The following GPATCH2 variants were observed in gnomAD, a reference collection of about 807,000 sequenced individuals.
GPATCH2 encodes G patch domain-containing protein 2.
Under a neutral mutation model 58.0 loss-of-function variants are expected in GPATCH2, and 51 were observed. The ratio of observed to expected loss-of-function variants is 0.88; its 90% CI spans 0.70 to 1.11. The LOEUF (loss-of-function observed/expected upper bound fraction) is 1.11. Among genes scored for constraint, GPATCH2 ranks in the 50% most tolerant of loss-of-function variants. The pLI is 0.00. For synonymous variants in GPATCH2, 222 were observed against 218.5 expected (o/e 1.02, Z -0.14); for missense variants, 625 against 652.2 (o/e 0.96, Z 0.45).
At chr1:217,463,575 TG>T (rs2102490993) in intron 8 of GPATCH2, among the ~76,000 whole-genome samples, 1 of 135,724 alleles carries the variant, frequency 7.4e-6, no homozygotes, top group African/African-American at 2.9e-5. Context: ...GAGGCTGAGA[TG>T]GGAGGACTGC....
At chr1:217,438,145 C>CTGTT (rs1416744608) in intron 9 of GPATCH2, among the ~76,000 whole-genome samples, 5 of 152,156 alleles carry the variant, frequency 3.3e-5, no homozygotes, top group Admixed American at 2.6e-4. Flanking sequence ...GCAGAGGGAC[C>CTGTT]TGTTAGAAGA....
intron 8 of GPATCH2, among the ~76,000 whole-genome samples, chr1:217,463,326 T>A (rs754474279): frequency 6.6e-6 from 1 of 152,138 alleles, no homozygotes; most frequent in African/African-American, 2.4e-5. Context: ...TTCATGCGTC[T>A]TAAAATCTAC....
intron 5 of GPATCH2, among the ~76,000 whole-genome samples, chr1:217,584,344 A>AAAAAAAAAAAAAAAAAAAATATAT (rs1463910405): frequency 9.8e-6 from 1 of 101,874 alleles, no homozygotes; most frequent in Non-Finnish European, 1.9e-5. Context: ...AAAAAAAAAA[A>AAAAAAAAAAAAAAAAAAAATATAT]ATATATATAT....
In GPATCH2 at chr1:217,533,748, A is replaced by G. The variant is rs1032295098; in HGVS notation, c.1099-18859T>C. ...AGTCATGCCAGATACTTTGTTCTGA[A>G]TCATGTATAACAGAATCCTGGGTGC... is the stretch of plus-strand genomic sequence containing the variant. On this transcript the variant is annotated intron_variant, in intron 5 of 9. Transcript: ENST00000366935. Among the ~76,000 whole-genome samples, 4 of 152,216 alleles carry G rather than the reference A, an allele frequency of 2.6e-5. No individual in the cohort carries two copies. In the South Asian group the frequency reaches 8.3e-4, roughly 31 times the overall value.
At chr1:217,612,248 C>T (rs909021097) in intron 3 of GPATCH2, among the ~76,000 whole-genome samples, 3 of 151,950 alleles carry the variant, frequency 2.0e-5, no homozygotes, top group African/African-American at 4.8e-5. Context: ...AGATGATCTG[C>T]GATTCATTAA....
At chr1:217,440,037 C>G (rs1659061641) in intron 9 of GPATCH2, among the ~76,000 whole-genome samples, 1 of 152,180 alleles carries the variant, frequency 6.6e-6, no homozygotes, top group Non-Finnish European at 1.5e-5. Context: ...CATCCTGATA[C>G]CAAAACTTGG....
At chr1:217,625,573 A>G (rs1268829233) in intron 1 of GPATCH2, among the ~76,000 whole-genome samples, 1 of 152,220 alleles carries the variant, frequency 6.6e-6, no homozygotes, top group Non-Finnish European at 1.5e-5. Context: ...ATAGTGAAAA[A>G]TAAAGTATAT....
rs550338481 is a variant in GPATCH2 at position 217,610,579 on chromosome 1, T to A, written c.1019-179A>T. ...AAAACTGAAGCAATGCCTAGCAAAG[T>A]ACTAAGGCAGTCAGCACTTAACTAA... On this transcript the variant is annotated intron_variant, in intron 4 of 9. Coordinates refer to ENST00000366935, the MANE Select transcript of GPATCH2 (RefSeq NM_018040.5). 5.3e-5 allele frequency among the ~76,000 whole-genome samples: 8 copies of A among 152,286 alleles called. No individual in the cohort carries two copies. The Middle Eastern group carries it at 0.01, about 194-fold the overall frequency.
At chr1:217,498,546 C>T (rs1207104966) in intron 6 of GPATCH2, 151 bp from the exon 7 acceptor site, 2 of 677,428 alleles carry the variant, frequency 3.0e-6, no homozygotes, top group Non-Finnish European at 5.3e-6. Flanking sequence ...TAATTCTAGA[C>T]TTAGACCAAT....
At chr1:217,491,609 A>T in intron 8 of GPATCH2, 71 bp downstream of exon 8, 1 of 660,208 alleles carries the variant, frequency 1.5e-6, no homozygotes, top group Non-Finnish European at 2.7e-6. Context: ...ACCTAACAAC[A>T]ATTCATTACA....
intron 6 of GPATCH2, among the ~76,000 whole-genome samples, chr1:217,509,523 T>C (rs1662735344): frequency 6.6e-6 from 1 of 152,366 alleles, no homozygotes; most frequent in East Asian, 1.9e-4. Flanking sequence ...AGCTAGTCTC[T>C]GAACTGAGCC....
chr1:217,493,336 C>T (rs761107994), intron 7 of GPATCH2, among the ~76,000 whole-genome samples: 1 of 152,152 alleles, frequency 6.6e-6, no homozygotes, highest in African/African-American at 2.4e-5. Context: ...TATGCTTCCT[C>T]CTACCCCAAC....
chr1:217,521,529 T>G (rs75926358), intron 5 of GPATCH2, among the ~76,000 whole-genome samples: 3,996 of 152,182 alleles, frequency 0.026, 78 homozygotes, highest in East Asian at 0.076. Flanking sequence ...TTTAAGTATA[T>G]GCAATGCAGG....
chr1:217,488,078 A>T (rs1661539347), intron 8 of GPATCH2, among the ~76,000 whole-genome samples: 1 of 152,094 alleles, frequency 6.6e-6, no homozygotes, highest in South Asian at 2.1e-4. Flanking sequence ...TTTGGTACTG[A>T]TTTCTAACTG....
At chr1:217,442,360 A>G (rs1659181284) in intron 9 of GPATCH2, among the ~76,000 whole-genome samples, 1 of 152,134 alleles carries the variant, frequency 6.6e-6, no homozygotes, top group Non-Finnish European at 1.5e-5. Flanking sequence ...GGGCTAGGGA[A>G]GGGATAGCAT....
intron 5 of GPATCH2, among the ~76,000 whole-genome samples, chr1:217,534,935 T>C (rs1049807991): frequency 1.3e-5 from 2 of 152,246 alleles, no homozygotes; most frequent in Non-Finnish European, 2.9e-5. Flanking sequence ...TTCTAGCTAT[T>C]CAGTTATTTA....
intron 6 of GPATCH2, among the ~76,000 whole-genome samples, chr1:217,504,688 A>G (rs752092442): frequency 4.6e-5 from 7 of 152,196 alleles, no homozygotes; most frequent in Non-Finnish European, 8.8e-5. Context: ...TCAGAATTTG[A>G]ATTCAGTCTG....
At position 217,630,923 on chromosome 1, in the gene GPATCH2, TC is replaced by T; in HGVS notation, c.48del (p.Asn17ThrfsTer45). On this transcript the variant is annotated frameshift_variant, in exon 1 of 10. Coordinates refer to ENST00000366935, the MANE Select transcript of GPATCH2 (RefSeq NM_018040.5). LOFTEE classifies it high-confidence loss of function. ...GRQPIGAPAA[G>X]NSWHFSRTME... ...CAGGGCCGCCAGCCTCACCAGCTGT[TC>T]CCGGCTGCTGGAGCTCCGATCGGTT... 1 of 1,589,192 alleles carries T rather than the reference TC, an allele frequency of 6.3e-7. No homozygotes were observed. Among genetic ancestry groups the T allele is most frequent in the Non-Finnish European group, 8.5e-7 (1 of 1,172,814 alleles).
rs1191304772 is a variant in GPATCH2, at chr1:217,429,003, A to G, written c.*2142T>C. The stretch of plus-strand genomic sequence containing the variant: ...ACAGCCAAGTCCTCAGGAGTGTGGA[A>G]CCAGGCTAACAATGACCTCATTGTT... On this transcript the variant is annotated 3_prime_UTR_variant, in exon 10 of 10. Transcript: ENST00000366935. 6.6e-6 allele frequency: 1 copy of G among 152,172 alleles called. No homozygotes were observed. Among genetic ancestry groups the G allele is most frequent in the Non-Finnish European group, 1.5e-5 (1 of 68,040 alleles). The allele number at this position is 152,172 out of a possible 1,614,324, so 9.4% of individuals were successfully genotyped here.
Sources: gnomAD v4.1 joint callset for allele counts (sites outside exome capture counted in the v4.1 genomes callset) on GRCh38, gnomAD v4.1.1 for gene constraint, MANE v1.5 for transcripts, NCBI Gene and HGNC (gene_info 2026-07-23, HGNC 2026-07-21) for gene names.